MGMT: variants seen among roughly 807,000 people sequenced by gnomAD.
The protein encoded by MGMT is methylated-DNA--protein-cysteine methyltransferase.
Under a neutral mutation model 15.9 loss-of-function variants are expected in MGMT, and 14 were observed. The ratio of observed to expected loss-of-function variants is 0.88; its 90% CI spans 0.58 to 1.37. MGMT has a LOEUF of 1.37. MGMT is among the 40% of genes most tolerant of loss of function. MGMT has a pLI of 0.00. For synonymous variants in MGMT, 130 were observed against 118.2 expected (o/e 1.10, Z -0.65); for missense variants, 282 against 268.1 (o/e 1.05, Z -0.36).
At chr10:129,693,549 G>C (rs897909452) in intron 2 of MGMT, among the ~76,000 whole-genome samples, 1 of 152,158 alleles carries the variant, frequency 6.6e-6, no homozygotes, top group African/African-American at 2.4e-5. Context: ...CTCTTGGTCA[G>C]TGTGTCTGCT....
At chr10:129,718,745 C>CGTGTCACCTCCCGCTCAGGT (rs1848331013) in intron 3 of MGMT, among the ~76,000 whole-genome samples, 1 of 151,918 alleles carries the variant, frequency 6.6e-6, no homozygotes, top group Admixed American at 6.5e-5. Context: ...CCTGCTAAGG[C>CGTGTCACCTCCCGCTCAGGT]GTGTCACCTT....
At chr10:129,584,017 C>T (rs575868311) in intron 2 of MGMT, among the ~76,000 whole-genome samples, 3 of 152,260 alleles carry the variant, frequency 2.0e-5, no homozygotes, top group African/African-American at 4.8e-5. Flanking sequence ...TCAGTGGAGC[C>T]AGGAAGTCTC....
At chr10:129,749,293 C>T (rs949851552) in intron 3 of MGMT, among the ~76,000 whole-genome samples, 8 of 152,124 alleles carry the variant, frequency 5.3e-5, no homozygotes, top group African/African-American at 1.4e-4. Context: ...TTCAGTCCCC[C>T]GCTCCTTCTG....
intron 2 of MGMT, among the ~76,000 whole-genome samples, chr10:129,629,591 C>G (rs142462269): frequency 6.6e-6 from 1 of 152,152 alleles, no homozygotes; most frequent in Admixed American, 6.5e-5. Context: ...GATGCCACCT[C>G]GGCACCTTCG....
At chr10:129,728,186 G>A (rs74160277) in intron 3 of MGMT, among the ~76,000 whole-genome samples, 45 of 152,296 alleles carry the variant, frequency 3.0e-4, no homozygotes, top group Non-Finnish European at 4.9e-4. Context: ...AGCTGTGACC[G>A]TGGATGGCAG....
At chr10:129,650,500 G>A (rs2008387) in intron 2 of MGMT, among the ~76,000 whole-genome samples, 54,318 of 151,988 alleles carry the variant, frequency 0.36, 10,184 homozygotes, top group African/African-American at 0.42. Flanking sequence ...GTGCCGGTAC[G>A]TGATTGGAAT....
intron 3 of MGMT, among the ~76,000 whole-genome samples, chr10:129,735,284 C>T (rs1272590012): frequency 1.3e-5 from 2 of 152,190 alleles, no homozygotes; most frequent in African/African-American, 2.4e-5. Context: ...CTGGTTTAGT[C>T]TTGGGAGAGT....
chr10:129,673,666 C>T (rs1049360609), intron 2 of MGMT, among the ~76,000 whole-genome samples: 3 of 152,106 alleles, frequency 2.0e-5, no homozygotes, highest in African/African-American at 7.2e-5. Context: ...TGCAAGTTCT[C>T]CTGGTCTGGA....
At chr10:129,529,342 A>G (rs35675358) in intron 1 of MGMT, among the ~76,000 whole-genome samples, 1 of 151,452 alleles carries the variant, frequency 6.6e-6, no homozygotes, top group Non-Finnish European at 1.5e-5. Flanking sequence ...GAGTGGGGGG[A>G]TGGTTTGGGG....
chr10:129,527,875 T>C (rs28652268), intron 1 of MGMT, among the ~76,000 whole-genome samples: 37,747 of 151,956 alleles, frequency 0.25, 5,635 homozygotes, highest in African/African-American at 0.42. Context: ...TGCTCCTTAA[T>C]GCTCTGTGCT....
At chr10:129,732,696 A>G (rs1438313180) in intron 3 of MGMT, among the ~76,000 whole-genome samples, 1 of 138,468 alleles carries the variant, frequency 7.2e-6, no homozygotes, top group African/African-American at 2.6e-5. Context: ...TCCCAATGCT[A>G]TCCCTCCCCC....
At chr10:129,691,545 G>A (rs376709905) in intron 2 of MGMT, among the ~76,000 whole-genome samples, 1 of 152,038 alleles carries the variant, frequency 6.6e-6, no homozygotes, top group African/African-American at 2.4e-5. Flanking sequence ...GGGGCTGTGG[G>A]TTTCAAATAA....
At chr10:129,764,671 C>T (rs3793909) in intron 4 of MGMT, among the ~76,000 whole-genome samples, 11,742 of 152,292 alleles carry the variant, frequency 0.077, 794 homozygotes, top group East Asian at 0.21. Flanking sequence ...GCTGGGGATA[C>T]GCTCAGCTGG....
chr10:129,770,414 C>T lies in MGMT; in HGVS notation c.*3417C>T, dbSNP rs572301863. Among the ~76,000 whole-genome samples, 72 of 152,328 alleles carry T rather than the reference C, an allele frequency of 4.7e-4. No individual in the cohort carries two copies. The highest frequency in any genetic ancestry group is 1.5e-3 in the African/African-American group (64 of 41,562). On this transcript the variant is annotated 3_prime_UTR_variant, in exon 5 of 5. Transcript: ENST00000651593. ...CATCCTCCTCACAGAAATGCATTTACGGATGTTGCTGTATCCCCTGACCTG... is the reference window on the plus strand; with the variant it reads ...CATCCTCCTCACAGAAATGCATTTATGGATGTTGCTGTATCCCCTGACCTG...
chr10:129,557,550 T>C (rs1003400841), intron 2 of MGMT, among the ~76,000 whole-genome samples: 4 of 152,244 alleles, frequency 2.6e-5, no homozygotes, highest in Admixed American at 6.5e-5. Flanking sequence ...TACACACTAA[T>C]GAATTTTGTA....
At chr10:129,662,535 G>C (rs571736839) in intron 2 of MGMT, among the ~76,000 whole-genome samples, 62 of 152,124 alleles carry the variant, frequency 4.1e-4, no homozygotes, top group Non-Finnish European at 7.6e-4. Flanking sequence ...AGACTAAAGA[G>C]ACACAGTAAC....
intron 1 of MGMT, among the ~76,000 whole-genome samples, chr10:129,528,862 T>C (rs1845898923): frequency 6.6e-6 from 1 of 152,218 alleles, no homozygotes; most frequent in Non-Finnish European, 1.5e-5. Context: ...AAGAACTCTC[T>C]GCAGGCTTCT....
At chr10:129,589,303 G>C (rs1057202802) in intron 2 of MGMT, among the ~76,000 whole-genome samples, 1 of 152,192 alleles carries the variant, frequency 6.6e-6, no homozygotes, top group Non-Finnish European at 1.5e-5. Flanking sequence ...GGCTGGGGTG[G>C]GGACAAAGTG....
intron 2 of MGMT, among the ~76,000 whole-genome samples, chr10:129,685,045 A>G (rs1847890396): frequency 6.6e-6 from 1 of 152,184 alleles, no homozygotes; most frequent in Non-Finnish European, 1.5e-5. Flanking sequence ...GTCCTGGTAA[A>G]CCTGTGACAG....
Sources: allele counts gnomAD v4.1 joint callset (sites outside exome capture counted in the v4.1 genomes callset), GRCh38; gene constraint gnomAD v4.1.1; transcripts MANE v1.5; gene names NCBI Gene and HGNC (gene_info 2026-07-23, HGNC 2026-07-21).